Variants in NTAQ1 observed in about 807,000 individuals in gnomAD.
NTAQ1 encodes N-terminal glutamine amidase 1, also known as protein N-terminal glutamine amidohydrolase.
Under a neutral mutation model 28.2 loss-of-function variants are expected in NTAQ1, and 21 were observed. That is an observed-to-expected ratio of 0.74 (90% confidence interval 0.53 to 1.07). NTAQ1 has a LOEUF of 1.07. Among genes scored for constraint, NTAQ1 ranks in the 50% least tolerant of loss-of-function variants. The pLI, the probability that NTAQ1 is intolerant of heterozygous loss-of-function variation, is 0.00. For synonymous variants in NTAQ1, 105 were observed against 90.0 expected, an observed-to-expected ratio of 1.17 and a Z score of -0.94; for missense variants, 264 against 256.6, an observed-to-expected ratio of 1.03 and a Z score of -0.20.
downstream of NTAQ1, among the ~76,000 whole-genome samples, chr8:123,470,319 G>A (rs146634559): frequency 1.9e-3 from 289 of 152,316 alleles, 1 homozygote; most frequent in African/African-American, 6.4e-3. Flanking sequence ...CCTCTCAAGG[G>A]TTCGTGAACT....
At chr8:123,425,249 G>A (rs572357781) in intron 1 of NTAQ1, among the ~76,000 whole-genome samples, 91 of 151,974 alleles carry the variant, frequency 6.0e-4, no homozygotes, top group African/African-American at 2.1e-3. Flanking sequence ...CAGCCACCAC[G>A]CCCAGCTAAT....
At chr8:123,445,837 C>A (rs561976115), downstream of NTAQ1, among the ~76,000 whole-genome samples, 5 of 151,568 alleles carry the variant, frequency 3.3e-5, no homozygotes, top group East Asian at 9.8e-4. Flanking sequence ...AACTCCTGGC[C>A]TCAAGAGATC....
intron 1 of NTAQ1, among the ~76,000 whole-genome samples, chr8:123,424,272 T>C (rs1813904887): frequency 6.6e-6 from 1 of 150,836 alleles, no homozygotes; most frequent in Non-Finnish European, 1.5e-5. Context: ...AGACGAAGTC[T>C]TGCACTGTTG....
At chr8:123,438,520 G>A (rs184264145) in intron 5 of NTAQ1, among the ~76,000 whole-genome samples, 38 of 152,122 alleles carry the variant, frequency 2.5e-4, no homozygotes, top group African/African-American at 8.4e-4. Flanking sequence ...GCCGGGTGTG[G>A]TGGTGTGTGC....
In NTAQ1 at chr8:123,430,015, A is replaced by C; in HGVS notation, c.216A>C (p.Gly72=). ...TCTGGAAACAACAGGCGAGACCTGG[A>C]GATGGACCTGTGATCTGGGTAAGAC... ...IPIWKQQARP[G]DGPVIWDYHV... is the part of the protein sequence containing the mutation. Residue 72 remains glycine, a synonymous_variant, in exon 3 of 6, where the codon GGA becomes GGC. Coordinates refer to ENST00000287387, the MANE Select transcript of NTAQ1 (RefSeq NM_018024.3). The C allele has an allele frequency of 6.2e-7, 1 of 1,613,402 alleles. No homozygotes were observed. Among genetic ancestry groups the C allele is most frequent in the Non-Finnish European group, 8.5e-7 (1 of 1,179,536 alleles).
At chr8:123,422,682 C>G (rs1199480142) in intron 1 of NTAQ1, among the ~76,000 whole-genome samples, 1 of 149,276 alleles carries the variant, frequency 6.7e-6, no homozygotes, top group Non-Finnish European at 1.5e-5. Context: ...TTTTTGTTGC[C>G]GTTGCTTTTG....
rs112522525 is a variant in NTAQ1, at chr8:123,424,072, G to T, written c.84-3852G>T. ...TGATTTTGTGTTTTTATTTTTATGCGTTTTTTTTTTTTTTTTTTGAGATGA... is the reference window on the plus strand; with the variant it reads ...TGATTTTGTGTTTTTATTTTTATGCTTTTTTTTTTTTTTTTTTTGAGATGA... On this transcript the variant is annotated intron_variant, in intron 1 of 5. Transcript: ENST00000287387. Among the ~76,000 whole-genome samples, 361 of 85,846 alleles carry T rather than the reference G, an allele frequency of 4.2e-3. 5 individuals carry two copies. Among genetic ancestry groups the T allele is most frequent in the African/African-American group, 0.016 (342 of 20,754 alleles). 56.3% of individuals were successfully genotyped at this position (85,846 alleles called of 152,430 possible).
At position 123,416,946 on chromosome 8, in the gene NTAQ1, G is replaced by C. The variant is rs897112856; in HGVS notation, c.83+14G>C. The stretch of plus-strand genomic sequence containing the variant: ...CAGCTGCTACTGGTGAGGGGGCGCG[G>C]GCGCAGCCTCTGGGTCTCCCAGGCT... On this transcript the variant is annotated intron_variant, in intron 1 of 5. Coordinates refer to ENST00000287387, the MANE Select transcript of NTAQ1 (RefSeq NM_018024.3). 20 of 1,474,482 alleles carry C rather than the reference G, an allele frequency of 1.4e-5. No individual in the cohort carries two copies. The highest frequency in any genetic ancestry group is 2.3e-4 in the Middle Eastern group (1 of 4,300). 91.3% of individuals were successfully genotyped at this position (1,474,482 alleles called of 1,614,324 possible).
chr8:123,437,239 A>G lies in NTAQ1; in HGVS notation c.413A>G (p.Tyr138Cys), dbSNP rs748837498. ...TTTAGAGTGATCCGTGCAGATTCAT[A>G]TTTGAAGAACTTTGCTTCTGACCGA... is the stretch of plus-strand genomic sequence containing the variant. ...RKFRVIRADSYLKNFASDRSH... is the reference protein window; with the variant it reads ...RKFRVIRADSCLKNFASDRSH... Residue 138 changes from tyrosine to cysteine, a missense_variant, in exon 5 of 6, where the codon TAT (tyrosine) becomes TGT (cysteine). Tyr to Cys is a radical substitution (Grantham distance 194). Coordinates refer to ENST00000287387, the MANE Select transcript of NTAQ1 (RefSeq NM_018024.3). 3.4e-5 allele frequency: 55 copies of G among 1,614,130 alleles called. 1 individual carries two copies. In the Middle Eastern group the frequency reaches 9.9e-4, roughly 29 times the overall value.
chr8:123,445,640 C>T (rs1439450377), downstream of NTAQ1, among the ~76,000 whole-genome samples: 3 of 152,196 alleles, frequency 2.0e-5, no homozygotes, highest in African/African-American at 7.2e-5. Flanking sequence ...GAGTCGCACT[C>T]TGTTGCCCAG....
intron 6 of NTAQ1, among the ~76,000 whole-genome samples, chr8:123,458,099 G>GT (rs34419855): frequency 8.1e-4 from 74 of 91,376 alleles, no homozygotes; most frequent in African/African-American, 2.5e-3. Flanking sequence ...TCCCCTCACT[G>GT]TTTTTTTTTT....
rs141882177 is a variant in NTAQ1 at position 123,469,782 on chromosome 8, AG to A, written c.*2634del. Among the ~76,000 whole-genome samples the A allele has an allele frequency of 4.7e-4, 72 of 152,342 alleles. No individual in the cohort carries two copies. In the East Asian group the frequency reaches 0.013, roughly 27 times the overall value. On this transcript the variant is annotated 3_prime_UTR_variant, in exon 7 of 7. Transcript: ENST00000650311. ...CTATGTTCTGGGCACTAACTAGCCA[AG>A]GCAATATAGGTGTGTATAAGAGGCA...
exon 7 of NTAQ1, among the ~76,000 whole-genome samples, chr8:123,467,977 A>G (rs749188384): frequency 6.6e-6 from 1 of 152,088 alleles, no homozygotes; most frequent in Non-Finnish European, 1.5e-5. Context: ...CGAACTCCTG[A>G]CCTCAAGTGA....
chr8:123,424,039 C>T (rs993273995), intron 1 of NTAQ1, among the ~76,000 whole-genome samples: 1 of 149,366 alleles, frequency 6.7e-6, no homozygotes, highest in Non-Finnish European at 1.5e-5. Flanking sequence ...CATGCTCCTA[C>T]GCCCGGCTGA....
exon 7 of NTAQ1, among the ~76,000 whole-genome samples, chr8:123,469,063 G>C (rs1280376127): frequency 1.3e-5 from 2 of 151,936 alleles, no homozygotes; most frequent in African/African-American, 4.8e-5. Context: ...TTTTTTAATT[G>C]GGTTATTTGA....
chr8:123,464,542 G>C (rs1034194231), intron 6 of NTAQ1, among the ~76,000 whole-genome samples: 1 of 152,222 alleles, frequency 6.6e-6, no homozygotes, highest in African/African-American at 2.4e-5. Flanking sequence ...TCCCTCCCCA[G>C]GGGTAAGGGC....
upstream of NTAQ1, chr8:123,416,733 C>G: frequency 1.9e-6 from 2 of 1,043,862 alleles, no homozygotes; most frequent in Non-Finnish European, 2.6e-6. Flanking sequence ...GCCCTCTCCC[C>G]CCGGGCTCCG....
intron 1 of NTAQ1, among the ~76,000 whole-genome samples, chr8:123,418,653 G>A (rs1460306004): frequency 6.6e-6 from 1 of 152,178 alleles, no homozygotes; most frequent in African/African-American, 2.4e-5. Context: ...GGTTGTTTAA[G>A]CAGGGAGAAC....
At chr8:123,422,711 C>T (rs949156692) in intron 1 of NTAQ1, among the ~76,000 whole-genome samples, 3 of 149,424 alleles carry the variant, frequency 2.0e-5, no homozygotes, top group Non-Finnish European at 4.4e-5. Flanking sequence ...ATCATGAAAT[C>T]TTTGCCAGGG....
Sources: gnomAD v4.1 joint callset for allele counts (sites outside exome capture counted in the v4.1 genomes callset) on GRCh38, gnomAD v4.1.1 for gene constraint, MANE v1.5 for transcripts, NCBI Gene and HGNC (gene_info 2026-07-23, HGNC 2026-07-21) for gene names.